Variants in ERICH1 observed in about 807,000 individuals in gnomAD.
The protein encoded by ERICH1 is glutamate-rich protein 1.
Under a neutral mutation model 39.6 loss-of-function variants are expected in ERICH1, and 56 were observed. The ratio of observed to expected loss-of-function variants is 1.41; its 90% CI spans 1.14 to 1.77. The LOEUF (loss-of-function observed/expected upper bound fraction) is 1.77. Ranked by LOEUF, ERICH1 falls within the 40% of genes most tolerant of loss-of-function variation. ERICH1 has a pLI of 0.00. For synonymous variants in ERICH1, 313 were observed against 223.6 expected, an observed-to-expected ratio of 1.40 and a Z score of -3.57; for missense variants, 826 against 575.4, an observed-to-expected ratio of 1.44 and a Z score of -4.45.
chr8:702,076 C>CAAAAAAAA, intron 2 of ERICH1, among the ~76,000 whole-genome samples: 1 of 88,138 alleles, frequency 1.1e-5, no homozygotes, highest in Non-Finnish European at 2.1e-5. Flanking sequence ...GACTACATCT[C>CAAAAAAAA]AAAAAAAAAA....
intron 3 of ERICH1, among the ~76,000 whole-genome samples, chr8:628,891 C>T (rs1286904029): frequency 6.6e-6 from 1 of 152,210 alleles, no homozygotes; most frequent in African/African-American, 2.4e-5. Flanking sequence ...GCAAGCCCTT[C>T]CGCTCACGAA....
chr8:617,675 C>G (rs990517788), intron 3 of ERICH1, among the ~76,000 whole-genome samples: 1 of 150,994 alleles, frequency 6.6e-6, no homozygotes, highest in African/African-American at 2.4e-5. Context: ...TCGGTCTATC[C>G]TCACTGCCCT....
intron 3 of ERICH1, among the ~76,000 whole-genome samples, chr8:625,050 T>C (rs1262122613): frequency 6.6e-6 from 1 of 152,090 alleles, no homozygotes; most frequent in East Asian, 1.9e-4. Context: ...CACTCAGGCT[T>C]CCTGAGAACT....
intron 3 of ERICH1, among the ~76,000 whole-genome samples, chr8:643,510 A>AG (rs1163244011): frequency 6.6e-6 from 1 of 151,728 alleles, no homozygotes; most frequent in South Asian, 2.1e-4. Context: ...ACCCCCGTGC[A>AG]GGGCCCTGGG....
chr8:676,954 G>A (rs1804987402), intron 3 of ERICH1, among the ~76,000 whole-genome samples: 1 of 152,204 alleles, frequency 6.6e-6, no homozygotes, highest in Non-Finnish European at 1.5e-5. Context: ...CCACTCAAGC[G>A]CTTTCCCTTC....
chr8:695,953 GCACT>G (rs1810153792), intron 2 of ERICH1, among the ~76,000 whole-genome samples: 1 of 52,656 alleles, frequency 1.9e-5, no homozygotes, highest in African/African-American at 9.8e-5. Flanking sequence ...CCATCAGCCT[GCACT>G]CGCTCCTCTC....
intron 2 of ERICH1, among the ~76,000 whole-genome samples, chr8:698,828 G>A (rs1227523151): frequency 6.6e-6 from 1 of 151,796 alleles, no homozygotes; most frequent in Non-Finnish European, 1.5e-5. Context: ...GGCAAAACCA[G>A]GGCTCACGGT....
At chr8:614,895 C>A in exon 4 of ERICH1, 1 of 236,116 alleles carries the variant, frequency 4.2e-6, no homozygotes, top group Non-Finnish European at 8.1e-6. Context: ...AATTAGGTTC[C>A]TCAGTTGCAT....
chr8:635,585 C>T (rs911730111), intron 3 of ERICH1, among the ~76,000 whole-genome samples: 1 of 152,222 alleles, frequency 6.6e-6, no homozygotes, highest in Non-Finnish European at 1.5e-5. Flanking sequence ...AGTGGCCAGC[C>T]GGCCCGGCCC....
chr8:665,607 G>C (rs114615820), intron 5 of ERICH1, among the ~76,000 whole-genome samples: 2,646 of 152,354 alleles, frequency 0.017, 65 homozygotes, highest in African/African-American at 0.06. Flanking sequence ...AATTAGAGGA[G>C]GTTGATGTTC....
chr8:706,652 G>A (rs1000862065), intron 2 of ERICH1, among the ~76,000 whole-genome samples: 7 of 152,160 alleles, frequency 4.6e-5, no homozygotes, highest in East Asian at 1.9e-4. Flanking sequence ...GGTGGCACAC[G>A]CATGTAATCC....
intron 1 of ERICH1, 40 bp downstream of exon 1, chr8:731,100 G>C: frequency 4.1e-6 from 6 of 1,446,286 alleles, no homozygotes; most frequent in South Asian, 1.4e-5. Flanking sequence ...CGAGAGCCGG[G>C]TCTGGGGTCT....
At chr8:705,554 C>A (rs1035826311) in intron 2 of ERICH1, among the ~76,000 whole-genome samples, 1 of 152,090 alleles carries the variant, frequency 6.6e-6, no homozygotes, top group Non-Finnish European at 1.5e-5. Flanking sequence ...ACGTATGAAA[C>A]CCACAGCTAA....
chr8:642,931 C>T (rs556199892), intron 3 of ERICH1, among the ~76,000 whole-genome samples: 1 of 152,190 alleles, frequency 6.6e-6, no homozygotes, highest in Non-Finnish European at 1.5e-5. Flanking sequence ...CGGGAGACTG[C>T]AGCCTCCTGA....
intron 3 of ERICH1, among the ~76,000 whole-genome samples, chr8:623,425 T>C (rs772781980): frequency 3.9e-5 from 6 of 152,218 alleles, no homozygotes; most frequent in Non-Finnish European, 7.4e-5. Flanking sequence ...CAATTGATTT[T>C]CAACAAGAAT....
chr8:635,064 G>C (rs1325676546), intron 3 of ERICH1, among the ~76,000 whole-genome samples: 1 of 151,860 alleles, frequency 6.6e-6, no homozygotes, highest in East Asian at 2.0e-4. Flanking sequence ...TGGACACTCA[G>C]GGACGTGGAC....
At chr8:716,387 G>A (rs994621275) in intron 1 of ERICH1, among the ~76,000 whole-genome samples, 3 of 152,268 alleles carry the variant, frequency 2.0e-5, no homozygotes, top group Non-Finnish European at 4.4e-5. Flanking sequence ...GTGGTCCTGG[G>A]TGGACGGTGT....
At position 681,928 on chromosome 8, in the gene ERICH1, C is replaced by T. The variant is rs184091761; in HGVS notation, c.305-7881G>A. Reference sequence around the variant, plus strand: ...TTGGGCTCCTCACCCCACCACGCCTCGGTGACGTCTGATCGCCCTGTCTGC... The same window carrying T: ...TTGGGCTCCTCACCCCACCACGCCTTGGTGACGTCTGATCGCCCTGTCTGC... On this transcript the variant is annotated intron_variant, in intron 3 of 5. Coordinates refer to ENST00000262109, the MANE Select transcript of ERICH1 (RefSeq NM_207332.3). Among the ~76,000 whole-genome samples the T allele has an allele frequency of 1.2e-4, 19 of 152,280 alleles. No individual in the cohort carries two copies. In the East Asian group the frequency reaches 2.9e-3, roughly 23 times the overall value.
At chr8:650,227 G>C (rs1342295559) in intron 3 of ERICH1, among the ~76,000 whole-genome samples, 1 of 152,214 alleles carries the variant, frequency 6.6e-6, no homozygotes, top group East Asian at 1.9e-4. Flanking sequence ...CTGGCGATGA[G>C]GACGCCGGCC....
Sources: allele counts gnomAD v4.1 joint callset (sites outside exome capture counted in the v4.1 genomes callset), GRCh38; gene constraint gnomAD v4.1.1; transcripts MANE v1.5; gene names NCBI Gene and HGNC (gene_info 2026-07-23, HGNC 2026-07-21).